Variants in MAPRE2 observed in about 807,000 individuals in gnomAD.
The protein encoded by MAPRE2 is microtubule-associated protein RP/EB family member 2.
A neutral mutation model predicts 43.2 loss-of-function variants in MAPRE2; 13 were observed. The ratio of observed to expected loss-of-function variants is 0.30; its 90% CI spans 0.20 to 0.48. The LOEUF is 0.48. Ranked by LOEUF, MAPRE2 falls within the 20% of genes least tolerant of loss-of-function variation. MAPRE2 has a pLI of 0.99. For missense variants in MAPRE2, 161 were observed against 400.2 expected (o/e 0.40, Z 5.10); for synonymous variants, 135 against 148.8 (o/e 0.91, Z 0.68).
At chr18:35,005,136 G>T (rs1288537642) in intron 1 of MAPRE2, among the ~76,000 whole-genome samples, 3 of 152,128 alleles carry the variant, frequency 2.0e-5, no homozygotes, top group Non-Finnish European at 2.9e-5. Context: ...TAGAGGCACT[G>T]CTCCTTGGGG....
intron 4 of MAPRE2, among the ~76,000 whole-genome samples, chr18:35,115,580 C>G (rs1414868163): frequency 6.6e-6 from 1 of 152,116 alleles, no homozygotes; most frequent in African/African-American, 2.4e-5. Flanking sequence ...GCCTTTGCAT[C>G]CTCATAGCTT....
chr18:35,078,365 C>T (rs546818206), intron 2 of MAPRE2, among the ~76,000 whole-genome samples: 36 of 152,236 alleles, frequency 2.4e-4, no homozygotes, highest in African/African-American at 7.9e-4. Flanking sequence ...ATTATCTTAA[C>T]CGGTTACATA....
rs779607014 is a variant in MAPRE2, at chr18:35,093,361, C to T, written c.251-4085C>T. ...GCCATTATAAAAAACAATATGGAGG[C>T]GCCTCAAAACACTAAAAATAGAACT... On this transcript the variant is annotated intron_variant, in intron 2 of 6. Coordinates refer to ENST00000300249, the MANE Select transcript of MAPRE2 (RefSeq NM_014268.4). Among the ~76,000 whole-genome samples the T allele has an allele frequency of 8.2e-4, 125 of 151,578 alleles. 2 individuals carry two copies. The highest frequency in any genetic ancestry group is 9.2e-4 in the Admixed American group (14 of 15,218).
At chr18:35,071,467 C>T (rs989243722) in intron 2 of MAPRE2, among the ~76,000 whole-genome samples, 7 of 152,196 alleles carry the variant, frequency 4.6e-5, no homozygotes, top group Admixed American at 1.3e-4. Flanking sequence ...AGCAGTCCTC[C>T]TTTGGAAACA....
At chr18:35,126,311 C>T (rs186202969) in intron 4 of MAPRE2, among the ~76,000 whole-genome samples, 14 of 152,306 alleles carry the variant, frequency 9.2e-5, no homozygotes, top group African/African-American at 3.4e-4. Flanking sequence ...TGGAGCACCT[C>T]CTTGCTTTTT....
At chr18:35,010,981 G>C (rs949563298) in intron 2 of MAPRE2, among the ~76,000 whole-genome samples, 1 of 152,124 alleles carries the variant, frequency 6.6e-6, no homozygotes, top group African/African-American at 2.4e-5. Flanking sequence ...AATGTCTCAA[G>C]CAAAATTTTT....
chr18:35,009,172 T>C (rs1319228667), intron 2 of MAPRE2, among the ~76,000 whole-genome samples: 1 of 151,978 alleles, frequency 6.6e-6, no homozygotes, highest in African/African-American at 2.4e-5. Context: ...AGAAATACAG[T>C]TACAGTATAA....
chr18:35,060,885 G>A (rs540194506), intron 1 of MAPRE2, among the ~76,000 whole-genome samples: 37 of 152,246 alleles, frequency 2.4e-4, no homozygotes, highest in Non-Finnish European at 4.6e-4. Context: ...TATTGTAGGC[G>A]GTTGGAGACA....
At chr18:35,080,455 G>T (rs1353273793) in intron 2 of MAPRE2, among the ~76,000 whole-genome samples, 1 of 152,160 alleles carries the variant, frequency 6.6e-6, no homozygotes, top group Non-Finnish European at 1.5e-5. Flanking sequence ...GGCAGAGAAA[G>T]GCCCCTGGAG....
rs150134331 is a variant in MAPRE2 at position 35,047,030 on chromosome 18, T to C, written c.122+5369T>C. Among the ~76,000 whole-genome samples, 977 of 152,322 alleles carry C rather than the reference T, an allele frequency of 6.4e-3. 8 individuals are homozygous for C. Among genetic ancestry groups the C allele is most frequent in the African/African-American group, 0.023 (941 of 41,566 alleles). ...TTTAATGATGTAAAAAGTTCCGATG[T>C]GGCTGATGAAACTGCTCAGGACACT... On this transcript the variant is annotated intron_variant, in intron 1 of 6. Coordinates refer to ENST00000300249, the MANE Select transcript of MAPRE2 (RefSeq NM_014268.4).
intron 1 of MAPRE2, among the ~76,000 whole-genome samples, chr18:35,062,527 T>C (rs1906586410): frequency 6.6e-6 from 1 of 152,238 alleles, no homozygotes; most frequent in African/African-American, 2.4e-5. Flanking sequence ...CAGGCCAACT[T>C]TGGCAATCCT....
intron 1 of MAPRE2, among the ~76,000 whole-genome samples, chr18:34,980,614 A>C (rs756479703): frequency 6.6e-6 from 1 of 152,178 alleles, no homozygotes; most frequent in Non-Finnish European, 1.5e-5. Context: ...GACATTCCAG[A>C]TATATAGAAG....
intron 1 of MAPRE2, among the ~76,000 whole-genome samples, chr18:35,042,425 T>G (rs960435739): frequency 1.3e-5 from 2 of 152,214 alleles, no homozygotes; most frequent in Non-Finnish European, 2.9e-5. Flanking sequence ...CTGATCTTGG[T>G]CATTGTATTG....
intron 2 of MAPRE2, among the ~76,000 whole-genome samples, chr18:35,035,535 G>C (rs1381884783): frequency 6.6e-6 from 1 of 151,564 alleles, no homozygotes; most frequent in East Asian, 1.9e-4. Context: ...AAATTGCAGT[G>C]CCTCCTACCT....
chr18:35,029,353 A>T (rs1568976521), intron 2 of MAPRE2, among the ~76,000 whole-genome samples: 2 of 152,192 alleles, frequency 1.3e-5, no homozygotes, highest in Non-Finnish European at 2.9e-5. Flanking sequence ...CAGAAGCCAT[A>T]GCTCTGCCAT....
chr18:35,102,274 C>G (rs1166251875), intron 4 of MAPRE2, 115 bp downstream of exon 4: 2 of 716,566 alleles, frequency 2.8e-6, no homozygotes, highest in Non-Finnish European at 4.4e-6. Context: ...TATTTTAATG[C>G]CTTCGGATGA....
At chr18:35,017,616 A>C (rs1387376076) in intron 2 of MAPRE2, among the ~76,000 whole-genome samples, 2 of 150,956 alleles carry the variant, frequency 1.3e-5, no homozygotes, top group African/African-American at 4.9e-5. Context: ...CCTTGATTTG[A>C]GTCTCAGCTT....
chr18:35,006,789 C>G (rs890748012), intron 2 of MAPRE2, among the ~76,000 whole-genome samples: 2 of 152,084 alleles, frequency 1.3e-5, no homozygotes, highest in African/African-American at 4.8e-5. Context: ...ATGGCAAAAC[C>G]CTGTCTCTAC....
intron 2 of MAPRE2, among the ~76,000 whole-genome samples, chr18:35,011,275 C>T (rs537889585): frequency 2.0e-5 from 3 of 152,016 alleles, no homozygotes; most frequent in South Asian, 4.2e-4. Flanking sequence ...ATCTGAGACC[C>T]GAAGGAAAAG....
Sources: allele counts gnomAD v4.1 joint callset (sites outside exome capture counted in the v4.1 genomes callset), GRCh38; gene constraint gnomAD v4.1.1; transcripts MANE v1.5; gene names NCBI Gene and HGNC (gene_info 2026-07-23, HGNC 2026-07-21).